The following TDRD12 variants were observed in gnomAD, a reference collection of about 807,000 sequenced individuals.
TDRD12 encodes tudor domain containing 12.
Under a neutral mutation model 133.5 loss-of-function variants are expected in TDRD12, and 158 were observed. That is an observed-to-expected ratio of 1.18 (90% CI 1.04 to 1.35). The LOEUF (loss-of-function observed/expected upper bound fraction) is 1.35, where lower values mean the gene tolerates loss of function less well. Ranked by LOEUF, TDRD12 falls within the 40% of genes most tolerant of loss-of-function variation. TDRD12 has a pLI of 0.00. For missense variants in TDRD12, 1,443 were observed against 1,321.3 expected (o/e 1.09, Z -1.43); for synonymous variants, 460 against 477.9 (o/e 0.96, Z 0.49).
intron 6 of TDRD12, among the ~76,000 whole-genome samples, chr19:32,752,032 C>G (rs902330039): frequency 6.6e-6 from 1 of 151,868 alleles, no homozygotes; most frequent in Non-Finnish European, 1.5e-5. Context: ...CATCATCACA[C>G]GCAGCTAATT....
At chr19:32,760,694 C>T (rs150954136) in intron 8 of TDRD12, among the ~76,000 whole-genome samples, 16 of 152,294 alleles carry the variant, frequency 1.1e-4, no homozygotes, top group Non-Finnish European at 2.9e-5. Context: ...GATTCACTCT[C>T]GTGCCCCTAA....
chr19:32,828,001 G>A (rs147638532), exon 10 of TDRD12: 1 of 152,120 alleles, frequency 6.6e-6, no homozygotes, highest in Admixed American at 6.5e-5. Context: ...ATAAATTGAG[G>A]TTTCTAATGT....
chr19:32,744,523 A>AAC (rs1555763902), intron 4 of TDRD12, among the ~76,000 whole-genome samples: 1 of 150,514 alleles, frequency 6.6e-6, no homozygotes. Flanking sequence ...AAAAAAAAAA[A>AAC]ACAAAAGAAT....
chr19:32,807,092 T>G (rs967084572), intron 21 of TDRD12, among the ~76,000 whole-genome samples: 1 of 151,932 alleles, frequency 6.6e-6, no homozygotes, highest in African/African-American at 2.4e-5. Context: ...TATTTCTAAT[T>G]CAGTCTTTAT....
exon 24 of TDRD12, chr19:32,811,401 A>G: frequency 1.3e-6 from 2 of 1,536,126 alleles, no homozygotes; most frequent in Non-Finnish European, 8.7e-7. Flanking sequence ...GCTGACAACG[A>G]AATAGAATGG....
chr19:32,771,435 C>T (rs560663534), intron 8 of TDRD12, among the ~76,000 whole-genome samples: 1 of 152,332 alleles, frequency 6.6e-6, no homozygotes, highest in South Asian at 2.1e-4. Context: ...GCAGGGTTTA[C>T]AGGCATGCTG....
intron 6 of TDRD12, among the ~76,000 whole-genome samples, chr19:32,753,712 T>A (rs1372750206): frequency 1.4e-5 from 2 of 145,696 alleles, no homozygotes; most frequent in Non-Finnish European, 3.0e-5. Context: ...AGAGACAGGG[T>A]TTCACTGTGT....
At chr19:32,789,973 G>C (rs1369107636) in intron 11 of TDRD12, among the ~76,000 whole-genome samples, 2 of 151,880 alleles carry the variant, frequency 1.3e-5, no homozygotes, top group Non-Finnish European at 2.9e-5. Context: ...CTGTACTCCA[G>C]CCTGAGTAAC....
chr19:32,756,139 T>C, exon 7 of TDRD12: 1 of 1,441,120 alleles, frequency 6.9e-7, no homozygotes, highest in South Asian at 1.5e-5. Flanking sequence ...ACTTACACTC[T>C]GGCCAATGTT....
chr19:32,740,122 C>G (rs111959637), intron 3 of TDRD12, among the ~76,000 whole-genome samples: 3,776 of 105,906 alleles, frequency 0.036, 82 homozygotes, highest in East Asian at 0.068. Context: ...CCTGGGTACT[C>G]TCTGCATCTC....
At chr19:32,728,094 G>A (rs991448983) in intron 1 of TDRD12, among the ~76,000 whole-genome samples, 5 of 152,034 alleles carry the variant, frequency 3.3e-5, no homozygotes, top group African/African-American at 1.2e-4. Flanking sequence ...GGTTTATTCT[G>A]GACTCTCTAT....
At chr19:32,742,756 G>A (rs1028265780) in intron 3 of TDRD12, 25 bp from the exon 4 acceptor site, 6 of 1,547,718 alleles carry the variant, frequency 3.9e-6, no homozygotes, top group East Asian at 4.9e-5. Flanking sequence ...CTATATAATG[G>A]AGCTGTTTCT....
At chr19:32,729,208 CTTTTTTTTTTTTG>C (rs1184252341) in intron 1 of TDRD12, among the ~76,000 whole-genome samples, 79 of 132,186 alleles carry the variant, frequency 6.0e-4, no homozygotes, top group Non-Finnish European at 5.5e-4. Flanking sequence ...TTTTCTTTTT[CTTTTTTTTTTTTG>C]TTTTTTTTTT....
chr19:32,746,110 GATGTGGT>G (rs1346858947), intron 4 of TDRD12, among the ~76,000 whole-genome samples: 1 of 150,108 alleles, frequency 6.7e-6, no homozygotes, highest in Admixed American at 6.6e-5. Context: ...GAGACTGGCT[GATGTGGT>G]TATTCTGTGT....
At chr19:32,735,149 G>C (rs143251534) in intron 2 of TDRD12, among the ~76,000 whole-genome samples, 3 of 152,230 alleles carry the variant, frequency 2.0e-5, no homozygotes, top group Non-Finnish European at 4.4e-5. Flanking sequence ...CTTAGAGGAA[G>C]ACATTTTGAA....
At chr19:32,747,525 A>G (rs1457983193) in intron 4 of TDRD12, among the ~76,000 whole-genome samples, 1 of 152,170 alleles carries the variant, frequency 6.6e-6, no homozygotes, top group Admixed American at 6.5e-5. Context: ...AGAAACATAG[A>G]ACATCATTCT....
intron 7 of TDRD12, among the ~76,000 whole-genome samples, 186 bp downstream of exon 7, chr19:32,756,367 A>T (rs1969992805): frequency 6.6e-6 from 1 of 151,808 alleles, no homozygotes; most frequent in Admixed American, 6.6e-5. Flanking sequence ...TGTTTATGAG[A>T]CCAGGAAAAA....
At chr19:32,780,569 A>T (rs1568474085) in intron 11 of TDRD12, among the ~76,000 whole-genome samples, 1 of 152,064 alleles carries the variant, frequency 6.6e-6, no homozygotes, top group Non-Finnish European at 1.5e-5. Context: ...TCTGTTGTAC[A>T]ACCCTTCCTC....
At chr19:32,761,712 T>C (rs1009303298) in intron 8 of TDRD12, among the ~76,000 whole-genome samples, 1 of 151,820 alleles carries the variant, frequency 6.6e-6, no homozygotes, top group African/African-American at 2.4e-5. Context: ...TATTTAGAGA[T>C]GGAGTCTTGT....
Sources: allele counts gnomAD v4.1 joint callset (sites outside exome capture counted in the v4.1 genomes callset), GRCh38; gene constraint gnomAD v4.1.1; transcripts MANE v1.5; gene names NCBI Gene and HGNC (gene_info 2026-07-23, HGNC 2026-07-21).